BRINP1: variants seen among roughly 807,000 people sequenced by gnomAD.
BRINP1 encodes BMP/retinoic acid-inducible neural-specific protein 1.
A neutral mutation model predicts 72.9 loss-of-function variants in BRINP1; 17 were observed. That is an observed-to-expected ratio of 0.23 (90% CI 0.16 to 0.35). The LOEUF is 0.35. Ranked by LOEUF, BRINP1 falls within the 10% of genes least tolerant of loss-of-function variation. The pLI is 1.00. For synonymous variants in BRINP1, 418 were observed against 378.5 expected (o/e 1.10, Z -1.21); for missense variants, 850 against 1,001.6 (o/e 0.85, Z 2.04).
At chr9:119,312,825 A>C (rs1034606840) in intron 2 of BRINP1, among the ~76,000 whole-genome samples, 2 of 152,190 alleles carry the variant, frequency 1.3e-5, no homozygotes, top group Non-Finnish European at 2.9e-5. Context: ...CTAATTTGTA[A>C]AGTGGGAAAA....
chr9:119,244,582 G>A (rs1361131917), intron 3 of BRINP1, among the ~76,000 whole-genome samples: 3 of 152,176 alleles, frequency 2.0e-5, no homozygotes, highest in East Asian at 3.9e-4. Context: ...TGAGGCAGAG[G>A]AAATAAATGT....
intron 1 of BRINP1, among the ~76,000 whole-genome samples, chr9:119,339,160 T>A (rs1007582530): frequency 1.3e-5 from 2 of 152,246 alleles, no homozygotes; most frequent in Non-Finnish European, 2.9e-5. Flanking sequence ...TTAGGCTTTA[T>A]GGGCCACAGT....
rs545323164 is a variant in BRINP1, at chr9:119,352,350, G to A, written c.-51+16706C>T. Among the ~76,000 whole-genome samples the A allele has an allele frequency of 1.3e-3, 202 of 152,176 alleles. 1 individual carries two copies. Among genetic ancestry groups the A allele is most frequent in the Middle Eastern group, 6.8e-3 (2 of 294 alleles). ...GTATTTTTTTTGAATTGGGAAAGAT[G>A]GTGGGCCAGATAACCACAAAATGCT... is the stretch of plus-strand genomic sequence containing the variant. On this transcript the variant is annotated intron_variant, in intron 1 of 7. Coordinates refer to ENST00000265922, the MANE Select transcript of BRINP1 (RefSeq NM_014618.3).
intron 2 of BRINP1, among the ~76,000 whole-genome samples, chr9:119,311,255 G>C (rs1273861788): frequency 6.6e-6 from 1 of 152,210 alleles, no homozygotes; most frequent in Admixed American, 6.5e-5. Flanking sequence ...GGAATAACTA[G>C]ATGACCAGGG....
intron 2 of BRINP1, among the ~76,000 whole-genome samples, chr9:119,251,041 G>C (rs985286718): frequency 2.0e-5 from 3 of 152,190 alleles, no homozygotes; most frequent in Non-Finnish European, 4.4e-5. Context: ...CTGGGTCTGA[G>C]AAAAGCTTTC....
chr9:119,166,950 A>G lies in BRINP1; in HGVS notation c.*134T>C, dbSNP rs2118809322. On this transcript the variant is annotated 3_prime_UTR_variant, in exon 8 of 8. Transcript: ENST00000265922. Reference sequence around the variant, plus strand: ...AGAACGTTTTCATTTCCAACAAATGAAGATTTTCCTCCTTTTCTTTGAATA... The same window carrying G: ...AGAACGTTTTCATTTCCAACAAATGGAGATTTTCCTCCTTTTCTTTGAATA... 1.0e-6 allele frequency: 1 copy of G among 983,454 alleles called. No individual in the cohort carries two copies. Among genetic ancestry groups the G allele is most frequent in the South Asian group, 1.7e-5 (1 of 58,984 alleles). The allele number at this position is 983,454 out of a possible 1,614,324, so 60.9% of individuals were successfully genotyped here.
rs28453 is a variant in BRINP1, at chr9:119,167,297, T to C, written c.2073A>G (p.Ser691=). 164,031 of 1,613,996 alleles carry C rather than the reference T, an allele frequency of 0.1. 13,639 individuals are homozygous for C. The highest frequency in any genetic ancestry group is 0.45 in the African/African-American group (33,471 of 74,916). Residue 691 remains serine, a synonymous_variant, in exon 8 of 8, where the codon TCA becomes TCG. Transcript: ENST00000265922. The surrounding 1 kb of genome is among the most constrained non-coding windows in gnomAD (Gnocchi z 4.3). The part of the protein sequence containing the change: ...TQGGQFYSSS[S]VMLLLLDIRD... The stretch of plus-strand genomic sequence containing the variant: ...GAATATCCAACAAGAGGAGCATCAC[T>C]GACGAAGAGGAATAGAACTGGCCGC...
chr9:119,255,070 C>T (rs1181631218), intron 2 of BRINP1, among the ~76,000 whole-genome samples: 1 of 152,194 alleles, frequency 6.6e-6, no homozygotes, highest in Non-Finnish European at 1.5e-5. Flanking sequence ...TCCATTGCAA[C>T]ATGCCACCTT....
Position 119,249,027 on chromosome 9 carries a change from A to G in BRINP1, c.342T>C (p.Thr114=), listed in dbSNP as rs751450143. The change falls in exon 3 of 8, where the codon ACT becomes ACC. Residue 114 remains threonine, a synonymous_variant. Transcript: ENST00000265922. ...SIRLLGRRPT[T]QQFIDTIIKK... ...TGATGATGGTATCGATGAACTGCTGAGTGGTAGGTCTCCTGCCAAGCAGGC... is the reference window on the plus strand; with the variant it reads ...TGATGATGGTATCGATGAACTGCTGGGTGGTAGGTCTCCTGCCAAGCAGGC... 178 of 1,613,940 alleles carry G rather than the reference A, an allele frequency of 1.1e-4. No individual in the cohort carries two copies. Among genetic ancestry groups the G allele is most frequent in the Non-Finnish European group, 1.5e-4 (172 of 1,180,014 alleles).
intron 2 of BRINP1, among the ~76,000 whole-genome samples, chr9:119,261,826 C>T (rs113598903): frequency 5.4e-5 from 8 of 148,888 alleles, no homozygotes; most frequent in Non-Finnish European, 1.2e-4. Flanking sequence ...TTCGTTTATT[C>T]TTTCTTCTTT....
At chr9:119,231,900 A>G (rs1257899581) in intron 5 of BRINP1, among the ~76,000 whole-genome samples, 2 of 152,034 alleles carry the variant, frequency 1.3e-5, no homozygotes, top group African/African-American at 2.4e-5. Context: ...TCCCAAAGTA[A>G]TCTTGTTCAA....
rs1829328962 is a variant in BRINP1, at chr9:119,167,398, A to G, written c.1972T>C (p.Phe658Leu). 1.2e-6 allele frequency: 2 copies of G among 1,613,834 alleles called. No individual in the cohort carries two copies. Among genetic ancestry groups the G allele is most frequent in the African/African-American group, 2.7e-5 (2 of 74,868 alleles). Residue 658 changes from phenylalanine (F) to leucine (L), a missense_variant, in exon 8 of 8, where the codon TTT becomes CTT. Coordinates refer to ENST00000265922, the MANE Select transcript of BRINP1 (RefSeq NM_014618.3). The surrounding 1 kb of genome is among the most constrained non-coding windows in gnomAD (Gnocchi z 4.3). Reference sequence around the variant, plus strand: ...GCGTTGAACCTCAGGCTATACCCAAACACCTGCACGTCTGAGATCTTGATG... The same window carrying G: ...GCGTTGAACCTCAGGCTATACCCAAGCACCTGCACGTCTGAGATCTTGATG... ...FYIKISDVQV[F>L]GYSLRFNADL...
At chr9:119,337,320 C>T (rs1034397729) in intron 1 of BRINP1, among the ~76,000 whole-genome samples, 2 of 152,120 alleles carry the variant, frequency 1.3e-5, no homozygotes, top group Admixed American at 6.5e-5. Context: ...GGTGACAAAT[C>T]GTAGGCACAG....
At chr9:119,242,332 T>A (rs1723494895) in intron 3 of BRINP1, 116 bp from the exon 4 acceptor site, 1 of 819,238 alleles carries the variant, frequency 1.2e-6, no homozygotes, top group South Asian at 1.8e-5. Flanking sequence ...GGCCCATGTT[T>A]CCTTCTGCCT....
rs1831538988 is a variant in BRINP1, at chr9:119,354,478, G to A, written c.-51+14578C>T. 3.3e-5 allele frequency among the ~76,000 whole-genome samples: 5 copies of A among 152,056 alleles called. No individual in the cohort carries two copies. The South Asian group carries it at 1.0e-3, about 31-fold the overall frequency. On this transcript the variant is annotated intron_variant, in intron 1 of 7. Transcript: ENST00000265922. ...CTCAACCTCTCCCTGCTTTTGTGGT[G>A]GGCTTCAGTGGTTTTCTTAGAATCT... is the stretch of plus-strand genomic sequence containing the variant.
At chr9:119,313,019 A>C (rs749587446) in intron 2 of BRINP1, 119 bp downstream of exon 2, 4 of 1,135,416 alleles carry the variant, frequency 3.5e-6, no homozygotes, top group Non-Finnish European at 4.9e-6. Flanking sequence ...AGCTTGTGGA[A>C]GGAGCACAGA....
At chr9:119,236,279 C>T (rs1444965918) in intron 5 of BRINP1, among the ~76,000 whole-genome samples, 1 of 152,166 alleles carries the variant, frequency 6.6e-6, no homozygotes, top group East Asian at 1.9e-4. Flanking sequence ...GACAGTAGGC[C>T]TGCTACCACC....
chr9:119,314,483 AG>A (rs1831105717), intron 1 of BRINP1, among the ~76,000 whole-genome samples: 1 of 152,164 alleles, frequency 6.6e-6, no homozygotes, highest in African/African-American at 2.4e-5. Context: ...CTTCTGCCTC[AG>A]CCCCTCAAGT....
intron 1 of BRINP1, among the ~76,000 whole-genome samples, chr9:119,345,705 C>T (rs1433494677): frequency 6.6e-6 from 1 of 152,178 alleles, no homozygotes; most frequent in Non-Finnish European, 1.5e-5. Context: ...AGTAGCAGAG[C>T]AGAAACTTGC....
Sources: gnomAD v4.1 joint callset for allele counts (sites outside exome capture counted in the v4.1 genomes callset) on GRCh38, gnomAD v4.1.1 for gene constraint, Gnocchi (gnomAD v3.1) non-coding constraint, MANE v1.5 for transcripts, NCBI Gene and HGNC (gene_info 2026-07-23, HGNC 2026-07-21) for gene names.